Variants in GRHL1 observed in about 807,000 individuals in gnomAD.
The protein encoded by GRHL1 is grainyhead-like protein 1 homolog.
In GRHL1, 38 loss-of-function variants were observed where a neutral mutation model predicts 75.7. The ratio of observed to expected loss-of-function variants is 0.50; its 90% CI spans 0.39 to 0.66. The LOEUF (loss-of-function observed/expected upper bound fraction) is 0.66, where lower values mean the gene tolerates loss of function less well. Ranked by LOEUF, GRHL1 falls within the 30% of genes least tolerant of loss-of-function variation. The pLI, the probability that GRHL1 is intolerant of heterozygous loss-of-function variation, is 0.00. For missense variants in GRHL1, 589 were observed against 767.5 expected, an observed-to-expected ratio of 0.77 and a Z score of 2.75; for synonymous variants, 266 against 279.4, an observed-to-expected ratio of 0.95 and a Z score of 0.48.
chr2:10,000,626 G>A lies in GRHL1; in HGVS notation c.1776G>A (p.Lys592=), dbSNP rs749046910. 43 of 1,613,086 alleles carry A rather than the reference G, an allele frequency of 2.7e-5. No individual in the cohort carries two copies. Among genetic ancestry groups the A allele is most frequent in the Non-Finnish European group, 3.4e-5 (40 of 1,179,300 alleles). The change falls in exon 16 of 16, where the codon AAG becomes AAA. Residue 592 remains lysine (K), a synonymous_variant. Coordinates refer to ENST00000324907, the MANE Select transcript of GRHL1 (RefSeq NM_198182.3). ...ILVNMDDNIV[K]HYSNEDTFQL... is the part of the protein sequence containing the mutation. ...TGAACATGGACGACAACATTGTGAAGCATTACTCCAATGAGGACACCTTCC... is the reference window on the plus strand; with the variant it reads ...TGAACATGGACGACAACATTGTGAAACATTACTCCAATGAGGACACCTTCC...
At chr2:9,954,811 A>G in intron 1 of GRHL1, 104 bp from the exon 2 acceptor site, 1 of 982,490 alleles carries the variant, frequency 1.0e-6, no homozygotes, top group Non-Finnish European at 1.6e-6. Flanking sequence ...AGGGTCATTG[A>G]TGAAACAATA....
chr2:9,961,768 C>T (rs1045896522), intron 4 of GRHL1, among the ~76,000 whole-genome samples: 3 of 152,104 alleles, frequency 2.0e-5, no homozygotes, highest in African/African-American at 7.2e-5. Flanking sequence ...CAGCACTTCT[C>T]CCAGTGCCAA....
chr2:9,977,431 G>A (rs530390090), intron 8 of GRHL1, among the ~76,000 whole-genome samples: 4 of 152,146 alleles, frequency 2.6e-5, no homozygotes, highest in East Asian at 1.9e-4. Context: ...AGCAATTCTC[G>A]TGCCTCAGCC....
intron 8 of GRHL1, among the ~76,000 whole-genome samples, chr2:9,980,382 T>C (rs1668146905): frequency 1.3e-5 from 2 of 152,040 alleles, no homozygotes; most frequent in South Asian, 4.2e-4. Flanking sequence ...TCATTTTATT[T>C]TGTTTTCCTC....
At chr2:9,986,337 G>C in intron 9 of GRHL1, 55 bp downstream of exon 9, 1 of 1,298,774 alleles carries the variant, frequency 7.7e-7, no homozygotes, top group Non-Finnish European at 1.1e-6. Context: ...CATGGAAAAA[G>C]ACCAGGGTCT....
intron 8 of GRHL1, among the ~76,000 whole-genome samples, chr2:9,978,180 C>T (rs560190738): frequency 1.1e-4 from 16 of 152,244 alleles, no homozygotes; most frequent in Non-Finnish European, 2.1e-4. Context: ...GGGGACACAG[C>T]CAAACCATAT....
intron 8 of GRHL1, among the ~76,000 whole-genome samples, chr2:9,973,868 A>G (rs112040803): frequency 0.012 from 1,822 of 152,332 alleles, 32 homozygotes; most frequent in African/African-American, 0.041. Flanking sequence ...GACCGCTGCT[A>G]CTGTCTCATG....
chr2:9,981,773 C>T (rs1001434667), intron 8 of GRHL1, among the ~76,000 whole-genome samples: 2 of 152,182 alleles, frequency 1.3e-5, no homozygotes, highest in Non-Finnish European at 2.9e-5. Flanking sequence ...TAAAAGCATG[C>T]AATAAGCATA....
intron 2 of GRHL1, among the ~76,000 whole-genome samples, chr2:9,956,508 A>G (rs1305237207): frequency 6.7e-6 from 1 of 149,258 alleles, no homozygotes; most frequent in Non-Finnish European, 1.5e-5. Flanking sequence ...CCTGGGTGAC[A>G]GAGACAGACC....
intron 8 of GRHL1, chr2:9,965,718 G>A: frequency 4.0e-6 from 1 of 250,160 alleles, no homozygotes; most frequent in Admixed American, 5.0e-5. Context: ...ATTGAAGGAG[G>A]TGTAAGGAGT....
chr2:9,982,434 A>G (rs933087027), intron 8 of GRHL1, among the ~76,000 whole-genome samples: 3 of 152,232 alleles, frequency 2.0e-5, no homozygotes, highest in Admixed American at 1.3e-4. Flanking sequence ...AACCCATTCC[A>G]GGACAATGAA....
intron 8 of GRHL1, among the ~76,000 whole-genome samples, chr2:9,977,567 C>T (rs556181172): frequency 6.6e-6 from 1 of 152,304 alleles, no homozygotes; most frequent in African/African-American, 2.4e-5. Context: ...AGTGATCCGC[C>T]CGCCTCGGCC....
At position 9,974,561 on chromosome 2, in the gene GRHL1, G is replaced by A. The variant is rs144826926; in HGVS notation, c.1110+9180G>A. On this transcript the variant is annotated intron_variant, in intron 8 of 15. Coordinates refer to ENST00000324907, the MANE Select transcript of GRHL1 (RefSeq NM_198182.3). ...TGGGCCAGCAGGCACTCAGCTCTAC[G>A]GGCTGGTGCTTCCAGAAGCCTGCTG... Among the ~76,000 whole-genome samples, 584 of 152,272 alleles carry A rather than the reference G, an allele frequency of 3.8e-3. 6 individuals are homozygous for A. The highest frequency in any genetic ancestry group is 0.013 in the African/African-American group (559 of 41,538).
At chr2:9,970,309 G>A (rs183823067) in intron 8 of GRHL1, among the ~76,000 whole-genome samples, 7 of 152,172 alleles carry the variant, frequency 4.6e-5, no homozygotes, top group South Asian at 2.1e-4. Context: ...TGCCAGACAC[G>A]TGCCAAGCTC....
chr2:9,972,233 C>T (rs886620515), intron 8 of GRHL1, among the ~76,000 whole-genome samples: 1 of 151,332 alleles, frequency 6.6e-6, no homozygotes, highest in Admixed American at 6.6e-5. Context: ...CTTCCTCCAC[C>T]CTGTCACTGT....
Position 10,000,682 on chromosome 2 carries a change from A to T in GRHL1, c.1832A>T (p.Tyr611Phe), listed in dbSNP as rs1320054056. 6.2e-7 allele frequency: 1 copy of T among 1,605,460 alleles called. No homozygotes were observed. The highest frequency in any genetic ancestry group is 8.5e-7 in the Non-Finnish European group (1 of 1,172,382). ...QLQIEEAGGS[Y>F]KLTLTEI ...CAGATTGAAGAAGCCGGGGGGTCTT[A>T]CAAGCTCACCCTGACGGAGATCTAA... The change falls in exon 16 of 16, where the codon TAC becomes TTC. Residue 611 changes from tyrosine (Y) to phenylalanine (F), a missense_variant. By Grantham distance (22) the Tyr-to-Phe change is conservative (BLOSUM62 3). This residue lies in a region of GRHL1 where 192 missense variants were observed against 226.6 expected (regional missense o/e 0.85). Coordinates refer to ENST00000324907, the MANE Select transcript of GRHL1 (RefSeq NM_198182.3).
In GRHL1 at chr2:9,984,085, C is replaced by A. The variant is rs138217707; in HGVS notation, c.1111-2039C>A. Among the ~76,000 whole-genome samples the A allele has an allele frequency of 3.6e-4, 54 of 151,980 alleles. 1 individual carries two copies. The Middle Eastern group carries it at 0.014, about 38-fold the overall frequency. On this transcript the variant is annotated intron_variant, in intron 8 of 15. Coordinates refer to ENST00000324907, the MANE Select transcript of GRHL1 (RefSeq NM_198182.3). The stretch of plus-strand genomic sequence containing the variant: ...AGGAGAATCGCTTGAACCCGGGAGG[C>A]GGAGGTTGCAGGGTTGCTGTGAGCC...
chr2:9,956,675 G>C (rs1424051969), intron 2 of GRHL1, among the ~76,000 whole-genome samples: 2 of 152,202 alleles, frequency 1.3e-5, no homozygotes, highest in Non-Finnish European at 2.9e-5. Context: ...TCTTACCAGG[G>C]AAACATAGCC....
intron 4 of GRHL1, 145 bp downstream of exon 4, chr2:9,961,581 C>T: frequency 1.5e-6 from 1 of 683,064 alleles, no homozygotes; most frequent in South Asian, 2.6e-5. Context: ...AGAAAAGGCC[C>T]ATGGGTATAA....
Sources: gnomAD v4.1 joint callset for allele counts (sites outside exome capture counted in the v4.1 genomes callset) on GRCh38, gnomAD v4.1.1 for gene constraint, gnomAD v4.1.1 regional missense constraint, MANE v1.5 for transcripts, NCBI Gene and HGNC (gene_info 2026-07-23, HGNC 2026-07-21) for gene names.